COG3: variants seen among roughly 807,000 people sequenced by gnomAD.
The protein encoded by COG3 is component of oligomeric golgi complex 3, also known as conserved oligomeric Golgi complex subunit 3.
In COG3, 32 loss-of-function variants were observed where a neutral mutation model predicts 114.1. That is an observed-to-expected ratio of 0.28 (90% confidence interval 0.21 to 0.38). The LOEUF is 0.38. Among genes scored for constraint, COG3 ranks in the 10% least tolerant of loss-of-function variants. The pLI, the probability that COG3 is intolerant of heterozygous loss-of-function variation, is 1.00. For synonymous variants in COG3, 352 were observed against 365.7 expected (o/e 0.96, Z 0.43); for missense variants, 813 against 973.2 (o/e 0.84, Z 2.19).
intron 2 of COG3, among the ~76,000 whole-genome samples, chr13:45,477,852 T>C (rs547979371): frequency 3.3e-5 from 5 of 152,220 alleles, no homozygotes; most frequent in African/African-American, 1.2e-4. Flanking sequence ...GATCTCAATC[T>C]CCTGACCTCG....
chr13:45,520,314 T>C (rs1049589137), intron 19 of COG3, among the ~76,000 whole-genome samples: 14 of 49,674 alleles, frequency 2.8e-4, no homozygotes, highest in African/African-American at 9.4e-4. Context: ...AAAATAAAAA[T>C]AAAAAAAGAG....
chr13:45,504,962 G>A (rs907930290), intron 14 of COG3, among the ~76,000 whole-genome samples: 23 of 152,120 alleles, frequency 1.5e-4, no homozygotes, highest in Non-Finnish European at 2.5e-4. Context: ...TGAGGTGGGC[G>A]GATCACCTGA....
intron 16 of COG3, 112 bp from the exon 17 acceptor site, chr13:45,516,031 C>A: frequency 1.4e-6 from 1 of 707,522 alleles, no homozygotes; most frequent in Non-Finnish European, 2.1e-6. Context: ...AGAGAATTGA[C>A]ACCATAGGCT....
intron 13 of COG3, among the ~76,000 whole-genome samples, chr13:45,500,268 A>G (rs1002280885): frequency 2.0e-5 from 3 of 152,144 alleles, no homozygotes; most frequent in African/African-American, 7.2e-5. Context: ...GTAAGCTATT[A>G]AATTTTTTAA....
Position 45,534,829 on chromosome 13 carries a change from G to T in COG3, c.*98G>T. 7.2e-7 allele frequency: 1 copy of T among 1,397,344 alleles called. No homozygotes were observed. Among genetic ancestry groups the T allele is most frequent in the Non-Finnish European group, 9.3e-7 (1 of 1,075,264 alleles). 86.6% of individuals were successfully genotyped at this position (1,397,344 alleles called of 1,614,324 possible). ...ACACCGAGGAATCGTATGTGGGAAC[G>T]TCCCCGAGAACCACACGAGCGTGCT... On this transcript the variant is annotated 3_prime_UTR_variant, in exon 23 of 23. Coordinates refer to ENST00000349995, the MANE Select transcript of COG3 (RefSeq NM_031431.4).
In COG3 at chr13:45,505,493, G is replaced by A. The variant is rs189126376; in HGVS notation, c.1594+2144G>A. On this transcript the variant is annotated intron_variant, in intron 14 of 22. Transcript: ENST00000349995. ...ATTTTTGTATTTTTTAGTAGAGATG[G>A]GGTTTCACTATATGTTGGCCAGGCT... Among the ~76,000 whole-genome samples, 652 of 151,996 alleles carry A rather than the reference G, an allele frequency of 4.3e-3. 7 individuals carry two copies. The highest frequency in any genetic ancestry group is 0.015 in the African/African-American group (612 of 41,494).
chr13:45,465,051 G>A lies in COG3; in HGVS notation c.15G>A (p.Ala5=). The A allele has an allele frequency of 1.9e-6, 3 of 1,582,096 alleles. No homozygotes were observed. Among genetic ancestry groups the A allele is most frequent in the Non-Finnish European group, 1.7e-6 (2 of 1,165,836 alleles). Residue 5 remains alanine, a synonymous_variant, in exon 1 of 23, where the codon GCG becomes GCA. Transcript: ENST00000349995. MAEA[A]LLLLPEAAAE... Reference sequence around the variant, plus strand: ...GGGCGGCGGCGATGGCGGAGGCGGCGCTGTTGCTGCTGCCTGAGGCGGCGG... The same window carrying A: ...GGGCGGCGGCGATGGCGGAGGCGGCACTGTTGCTGCTGCCTGAGGCGGCGG...
intron 5 of COG3, among the ~76,000 whole-genome samples, chr13:45,481,581 T>C (rs1337618223): frequency 2.0e-5 from 3 of 152,176 alleles, no homozygotes; most frequent in East Asian, 1.9e-4. Context: ...TTGAAGAAGA[T>C]TGTAAGAAGA....
intron 12 of COG3, among the ~76,000 whole-genome samples, chr13:45,495,672 G>A (rs1019375997): frequency 6.6e-6 from 1 of 152,126 alleles, no homozygotes; most frequent in African/African-American, 2.4e-5. Flanking sequence ...GAGCCACTGC[G>A]CCTTGCTGAT....
At chr13:45,481,583 G>T (rs1466074475) in intron 5 of COG3, among the ~76,000 whole-genome samples, 1 of 152,138 alleles carries the variant, frequency 6.6e-6, no homozygotes, top group East Asian at 1.9e-4. Flanking sequence ...GAAGAAGATT[G>T]TAAGAAGAAA....
At chr13:45,523,244 G>A (rs912963208) in intron 19 of COG3, among the ~76,000 whole-genome samples, 1 of 150,864 alleles carries the variant, frequency 6.6e-6, no homozygotes, top group Non-Finnish European at 1.5e-5. Context: ...TGATTATTAC[G>A]AGTTTATTCT....
In COG3 at chr13:45,476,244, C is replaced by G. The variant is rs1885854774; in HGVS notation, c.218C>G (p.Pro73Arg). ...DLCSLTSQSL[P>R]IELTSVVPES... ...TGCAGTTTAACATCCCAGTCACTGC[C>G]CATTGAACTGACTTCAGTAGTGCCT... Residue 73 changes from proline (P) to arginine (R), a missense_variant, in exon 2 of 23, where the codon CCC becomes CGC. Coordinates refer to ENST00000349995, the MANE Select transcript of COG3 (RefSeq NM_031431.4). 1.2e-6 allele frequency: 2 copies of G among 1,612,876 alleles called. No individual in the cohort carries two copies. The highest frequency in any genetic ancestry group is 1.7e-6 in the Non-Finnish European group (2 of 1,179,326).
In COG3 at chr13:45,534,817, GT is replaced by G; in HGVS notation, c.*87del. ...GCAGTCTGCAGGACACCGAGGAATC[GT>G]ATGTGGGAACGTCCCCGAGAACCAC... On this transcript the variant is annotated 3_prime_UTR_variant, in exon 23 of 23. Coordinates refer to ENST00000349995, the MANE Select transcript of COG3 (RefSeq NM_031431.4). 2 of 1,435,874 alleles carry G rather than the reference GT, an allele frequency of 1.4e-6. No homozygotes were observed. Among genetic ancestry groups the G allele is most frequent in the Admixed American group, 2.9e-5 (1 of 34,944 alleles). The allele number at this position is 1,435,874 out of a possible 1,614,324, so 88.9% of individuals were successfully genotyped here.
chr13:45,497,886 TG>T (rs1406771862), intron 13 of COG3, among the ~76,000 whole-genome samples: 2 of 152,178 alleles, frequency 1.3e-5, no homozygotes, highest in Non-Finnish European at 2.9e-5. Context: ...TAATAGATTC[TG>T]GGTTACTCCT....
chr13:45,474,499 CAG>C (rs995594161), intron 1 of COG3, among the ~76,000 whole-genome samples: 1 of 152,098 alleles, frequency 6.6e-6, no homozygotes, highest in African/African-American at 2.4e-5. Flanking sequence ...ATGATACAGA[CAG>C]TGTATCCGTA....
intron 17 of COG3, among the ~76,000 whole-genome samples, chr13:45,517,655 C>G (rs995791461): frequency 6.6e-6 from 1 of 152,110 alleles, no homozygotes; most frequent in African/African-American, 2.4e-5. Context: ...CTTCCATCTC[C>G]CACCCATTCT....
chr13:45,505,997 A>G (rs373649608), intron 14 of COG3, among the ~76,000 whole-genome samples: 60 of 152,274 alleles, frequency 3.9e-4, no homozygotes, highest in African/African-American at 1.4e-3. Flanking sequence ...CTGGGCTTAA[A>G]GCCAACCTCC....
chr13:45,486,874 TAAAG>T (rs1293528927), intron 8 of COG3, among the ~76,000 whole-genome samples: 5 of 152,118 alleles, frequency 3.3e-5, no homozygotes, highest in African/African-American at 7.2e-5. Flanking sequence ...GGTGTTTTGA[TAAAG>T]AGAGAACAGC....
At chr13:45,519,403 C>T (rs1871872910) in intron 19 of COG3, among the ~76,000 whole-genome samples, 1 of 152,214 alleles carries the variant, frequency 6.6e-6, no homozygotes, top group African/African-American at 2.4e-5. Flanking sequence ...CTGGGACTCT[C>T]ACTTTCTCCT....
Sources: allele counts gnomAD v4.1 joint callset (sites outside exome capture counted in the v4.1 genomes callset), GRCh38; gene constraint gnomAD v4.1.1; transcripts MANE v1.5; gene names NCBI Gene and HGNC (gene_info 2026-07-23, HGNC 2026-07-21).